LPP: variants seen among roughly 807,000 people sequenced by gnomAD.
The protein encoded by LPP is lipoma-preferred partner.
Under a neutral mutation model 60.4 loss-of-function variants are expected in LPP, and 38 were observed. The observed-to-expected ratio is 0.63, with a 90% CI of 0.49 to 0.83. LPP has a LOEUF of 0.83. LPP is among the 40% of genes least tolerant of loss of function. LPP has a pLI of 0.00. For missense variants in LPP, 902 were observed against 783.6 expected, an observed-to-expected ratio of 1.15 and a Z score of -1.80; for synonymous variants, 328 against 290.8, an observed-to-expected ratio of 1.13 and a Z score of -1.30.
At chr3:188,156,504 T>C (rs923410592) in intron 1 of LPP, among the ~76,000 whole-genome samples, 5 of 152,180 alleles carry the variant, frequency 3.3e-5, no homozygotes, top group Admixed American at 3.3e-4. Flanking sequence ...AGCCCCCTGC[T>C]GCCCAATTCC....
At position 188,875,860 on chromosome 3, in the gene LPP, C is replaced by T. The variant is rs1769189872; in HGVS notation, c.*1381C>T. 5.2e-6 allele frequency: 1 copy of T among 191,220 alleles called. No homozygotes were observed. The highest frequency in any genetic ancestry group is 1.9e-4 in the South Asian group (1 of 5,168). 11.8% of individuals were successfully genotyped at this position (191,220 alleles called of 1,614,324 possible). A position where few individuals can be genotyped will look rare whatever the true frequency, so the allele number is the denominator to read the frequency against. ...GTTTCACTTAAGGAGAGACACCTAGCTTAGTCATGGCAAGTTGCCATTTTG... is the reference window on the plus strand; with the variant it reads ...GTTTCACTTAAGGAGAGACACCTAGTTTAGTCATGGCAAGTTGCCATTTTG... On this transcript the variant is annotated 3_prime_UTR_variant, in exon 12 of 12. Coordinates refer to ENST00000617246, the MANE Select transcript of LPP (RefSeq NM_001375462.1).
intron 5 of LPP, among the ~76,000 whole-genome samples, chr3:188,495,112 T>C (rs867309553): frequency 1.6e-5 from 2 of 123,896 alleles, no homozygotes; most frequent in Admixed American, 8.9e-5. Flanking sequence ...TATATTTTTA[T>C]ATATTTATAT....
intron 9 of LPP, among the ~76,000 whole-genome samples, chr3:188,791,475 T>C (rs1426064258): frequency 6.6e-6 from 1 of 152,200 alleles, no homozygotes; most frequent in Non-Finnish European, 1.5e-5. Context: ...TGGCCTTGTG[T>C]TGGTGATGTA....
chr3:188,841,035 C>T (rs1759831324), intron 9 of LPP, among the ~76,000 whole-genome samples: 1 of 152,120 alleles, frequency 6.6e-6, no homozygotes, highest in Admixed American at 6.5e-5. Context: ...GCTATGTGGG[C>T]CATCAGACTG....
At chr3:188,827,753 T>C (rs2151538579) in intron 9 of LPP, among the ~76,000 whole-genome samples, 1 of 152,232 alleles carries the variant, frequency 6.6e-6, no homozygotes, top group African/African-American at 2.4e-5. Context: ...TGGGAGTGAA[T>C]TCAGAGCTTC....
intron 1 of LPP, among the ~76,000 whole-genome samples, chr3:188,201,964 A>G (rs1166014143): frequency 1.3e-5 from 2 of 151,904 alleles, no homozygotes; most frequent in Non-Finnish European, 2.9e-5. Flanking sequence ...AGAGGGGACA[A>G]GGTGAGCCAA....
chr3:188,532,650 G>T (rs6781569), intron 6 of LPP, among the ~76,000 whole-genome samples: 1 of 152,042 alleles, frequency 6.6e-6, no homozygotes, highest in Non-Finnish European at 1.5e-5. Flanking sequence ...AGCTCCATTT[G>T]TGTGAACCTG....
chr3:188,359,385 G>A (rs7636225), intron 3 of LPP, among the ~76,000 whole-genome samples: 3,421 of 152,282 alleles, frequency 0.022, 134 homozygotes, highest in African/African-American at 0.076. Flanking sequence ...ATACGGGTGA[G>A]AGTTGCCAAC....
At chr3:188,366,266 T>G (rs1163830204) in intron 3 of LPP, among the ~76,000 whole-genome samples, 1 of 152,246 alleles carries the variant, frequency 6.6e-6, no homozygotes, top group Admixed American at 6.5e-5. Context: ...CACCGCATTT[T>G]CTTTATTCAC....
intron 6 of LPP, among the ~76,000 whole-genome samples, chr3:188,567,355 A>G (rs992181329): frequency 3.9e-5 from 6 of 152,040 alleles, no homozygotes; most frequent in Non-Finnish European, 7.4e-5. Context: ...ATTATACTCT[A>G]TTACTTGTAT....
At position 188,807,949 on chromosome 3, in the gene LPP, A is replaced by G. The variant is rs556842951; in HGVS notation, c.1410+47667A>G. Among the ~76,000 whole-genome samples the G allele has an allele frequency of 4.6e-5, 7 of 152,298 alleles. No individual in the cohort carries two copies. The South Asian group carries it at 1.5e-3, about 32-fold the overall frequency. On this transcript the variant is annotated intron_variant, in intron 9 of 11. Transcript: ENST00000617246. Reference sequence around the variant, plus strand: ...TTGTTAAAAGCCAGACATATTATATAGGATAATAAAGATAGGCTAATATAT... The same window carrying G: ...TTGTTAAAAGCCAGACATATTATATGGGATAATAAAGATAGGCTAATATAT...
At chr3:188,867,747 G>A (rs539781691) in intron 10 of LPP, among the ~76,000 whole-genome samples, 1 of 152,260 alleles carries the variant, frequency 6.6e-6, no homozygotes, top group East Asian at 1.9e-4. Flanking sequence ...TGGCTTTGAA[G>A]ACAGCCTTTG....
At chr3:188,506,399 G>C (rs1228921128) in intron 5 of LPP, among the ~76,000 whole-genome samples, 1 of 152,178 alleles carries the variant, frequency 6.6e-6, no homozygotes, top group African/African-American at 2.4e-5. Context: ...AATGCTGTTT[G>C]ATTTTTTCTG....
At chr3:188,861,074 G>T (rs1181972437) in intron 9 of LPP, among the ~76,000 whole-genome samples, 1 of 152,162 alleles carries the variant, frequency 6.6e-6, no homozygotes, top group Non-Finnish European at 1.5e-5. Flanking sequence ...GATAGTACAG[G>T]TTCCATCCCT....
rs561284077 is a variant in LPP at position 188,384,789 on chromosome 3, C to CAAAAA, written c.-9-21291_-9-21287dup. Among the ~76,000 whole-genome samples, 10 of 51,452 alleles carry CAAAAA rather than the reference C, an allele frequency of 1.9e-4. 1 individual carries two copies. The highest frequency in any genetic ancestry group is 7.9e-4 in the African/African-American group (10 of 12,604). The allele number at this position is 51,452 out of a possible 152,430, so 33.8% of individuals were successfully genotyped here. On this transcript the variant is annotated intron_variant, in intron 3 of 11. Transcript: ENST00000617246. The stretch of plus-strand genomic sequence containing the variant: ...TGGGCGACAGAGCGAGACTCTGTCT[C>CAAAAA]AAAAAAAAAAAAAAAAAAAAAAAAA...
chr3:188,500,686 A>C (rs1005203552), intron 5 of LPP, among the ~76,000 whole-genome samples: 1 of 152,062 alleles, frequency 6.6e-6, no homozygotes, highest in African/African-American at 2.4e-5. Flanking sequence ...ATGGTTCCAG[A>C]TTTTTTCTTA....
chr3:188,680,371 A>G (rs1372231609), intron 7 of LPP, among the ~76,000 whole-genome samples: 1 of 152,222 alleles, frequency 6.6e-6, no homozygotes, highest in Non-Finnish European at 1.5e-5. Flanking sequence ...GGCAGCTTTC[A>G]TCCATTTATT....
chr3:188,548,306 C>T (rs1054755218), intron 6 of LPP, among the ~76,000 whole-genome samples: 51 of 152,340 alleles, frequency 3.3e-4, no homozygotes, highest in African/African-American at 1.2e-3. Context: ...CTTCTTGTCT[C>T]CTCACCGTCT....
rs1384875705 is a variant in LPP at position 188,466,435 on chromosome 3, C to T, written c.194-18157C>T. Among the ~76,000 whole-genome samples, 5 of 152,034 alleles carry T rather than the reference C, an allele frequency of 3.3e-5. No homozygotes were observed. The East Asian group carries it at 9.7e-4, about 29-fold the overall frequency. Reference sequence around the variant, plus strand: ...TTTGAGTCATAGAATCATAAACCATCAGTGTCGAGAGGGCTACTAAGCAGT... The same window carrying T: ...TTTGAGTCATAGAATCATAAACCATTAGTGTCGAGAGGGCTACTAAGCAGT... On this transcript the variant is annotated intron_variant, in intron 4 of 11. Coordinates refer to ENST00000617246, the MANE Select transcript of LPP (RefSeq NM_001375462.1).
Sources: allele counts gnomAD v4.1 joint callset (sites outside exome capture counted in the v4.1 genomes callset), GRCh38; gene constraint gnomAD v4.1.1; transcripts MANE v1.5; gene names NCBI Gene and HGNC (gene_info 2026-07-23, HGNC 2026-07-21).